The following PTK2B variants were observed in gnomAD, a reference collection of about 807,000 sequenced individuals.
PTK2B encodes the protein protein tyrosine kinase 2 beta, also known as protein-tyrosine kinase 2-beta.
PTK2B carries 71 observed loss-of-function variants against 142.9 expected under a neutral mutation model. That is an observed-to-expected ratio of 0.50 (90% CI 0.41 to 0.61). PTK2B has a LOEUF of 0.61. Ranked by LOEUF, PTK2B falls within the 20% of genes least tolerant of loss-of-function variation. The pLI is 0.00. For synonymous variants in PTK2B, 519 were observed against 503.4 expected, an observed-to-expected ratio of 1.03 and a Z score of -0.42; for missense variants, 1,105 against 1,320.4, an observed-to-expected ratio of 0.84 and a Z score of 2.53.
At chr8:27,359,311 T>C (rs1339267398) in intron 1 of PTK2B, among the ~76,000 whole-genome samples, 1 of 152,178 alleles carries the variant, frequency 6.6e-6, no homozygotes, top group Non-Finnish European at 1.5e-5. Flanking sequence ...AGAAGGGGTT[T>C]CACCATATTG....
At chr8:27,340,768 G>A (rs1804347699) in intron 1 of PTK2B, among the ~76,000 whole-genome samples, 1 of 152,234 alleles carries the variant, frequency 6.6e-6, no homozygotes, top group African/African-American at 2.4e-5. Flanking sequence ...AGTGGGAGGT[G>A]CCAGCCCTCC....
intron 1 of PTK2B, among the ~76,000 whole-genome samples, chr8:27,337,032 T>G (rs954932290): frequency 1.3e-5 from 2 of 150,346 alleles, no homozygotes; most frequent in African/African-American, 4.9e-5. Context: ...TACTTATTGA[T>G]GAATAGTAGT....
At chr8:27,444,611 G>T (rs1263620282) in intron 23 of PTK2B, among the ~76,000 whole-genome samples, 1 of 152,146 alleles carries the variant, frequency 6.6e-6, no homozygotes, top group Non-Finnish European at 1.5e-5. Flanking sequence ...CCAACAAATG[G>T]AGTAGCTCCA....
chr8:27,418,181 C>T lies in PTK2B; in HGVS notation c.205-1714C>T, dbSNP rs577845434. Among the ~76,000 whole-genome samples, 5 of 152,260 alleles carry T rather than the reference C, an allele frequency of 3.3e-5. No homozygotes were observed. The South Asian group carries it at 6.2e-4, about 19-fold the overall frequency. On this transcript the variant is annotated intron_variant, in intron 2 of 30. Transcript: ENST00000346049. ...ACAGAGCAGTCGTCACCCTCTGTGA[C>T]GGGCATTTTCTTTCCTAATGGGGAA...
intron 9 of PTK2B, 37 bp downstream of exon 9, chr8:27,431,509 C>T (rs748303327): frequency 1.2e-5 from 20 of 1,611,676 alleles, no homozygotes; most frequent in South Asian, 4.4e-5. Flanking sequence ...CAGCCCCAGG[C>T]GGGGAGGTCG....
chr8:27,431,846 C>T (rs1352948206), intron 9 of PTK2B, among the ~76,000 whole-genome samples: 2 of 152,228 alleles, frequency 1.3e-5, no homozygotes, highest in Admixed American at 6.5e-5. Flanking sequence ...TGATGTTGAG[C>T]AAGTCCTGGC....
intron 1 of PTK2B, among the ~76,000 whole-genome samples, chr8:27,369,790 C>T (rs965416159): frequency 2.0e-5 from 3 of 152,178 alleles, no homozygotes; most frequent in Non-Finnish European, 4.4e-5. Context: ...GCCTGGCCAA[C>T]ATGGCAAAAC....
intron 1 of PTK2B, among the ~76,000 whole-genome samples, chr8:27,365,551 A>T (rs893642567): frequency 1.3e-5 from 2 of 152,222 alleles, no homozygotes; most frequent in Admixed American, 6.5e-5. Flanking sequence ...AATAGGAAAC[A>T]GATCTGCCAT....
chr8:27,454,228 C>T lies in PTK2B; in HGVS notation c.2670C>T (p.Ala890=), dbSNP rs376321919. Reference sequence around the variant, plus strand: ...TCAATGTCATGGAGCTGGTGCGGGCCGTGCTGGAGCTCAAGAATGAGCTCT... The same window carrying T: ...TCAATGTCATGGAGCTGGTGCGGGCTGTGCTGGAGCTCAAGAATGAGCTCT... ...VYLNVMELVR[A]VLELKNELCQ... The change falls in exon 29 of 31, where the codon GCC becomes GCT. Residue 890 remains alanine (A), a synonymous_variant. Transcript: ENST00000346049. 2.0e-5 allele frequency: 32 copies of T among 1,613,988 alleles called. No homozygotes were observed. Among genetic ancestry groups the T allele is most frequent in the Admixed American group, 8.3e-5 (5 of 59,988 alleles).
At chr8:27,368,365 C>A (rs1024300292) in intron 1 of PTK2B, among the ~76,000 whole-genome samples, 18 of 152,158 alleles carry the variant, frequency 1.2e-4, no homozygotes, top group African/African-American at 4.3e-4. Flanking sequence ...CCAGCAAGAA[C>A]TACCCCCTCA....
At chr8:27,369,049 A>G (rs1225277156) in intron 1 of PTK2B, among the ~76,000 whole-genome samples, 1 of 152,080 alleles carries the variant, frequency 6.6e-6, no homozygotes, top group Non-Finnish European at 1.5e-5. Context: ...CAGCATCTCT[A>G]TTTTGGAGCT....
intron 12 of PTK2B, 39 bp downstream of exon 12, chr8:27,434,171 C>T: frequency 6.2e-7 from 1 of 1,603,556 alleles, no homozygotes; most frequent in Non-Finnish European, 8.5e-7. Context: ...GCCCTGAGCT[C>T]AGCCTGTGCT....
chr8:27,437,631 C>A, intron 17 of PTK2B, 134 bp from the exon 18 acceptor site: 1 of 1,216,624 alleles, frequency 8.2e-7, no homozygotes, highest in Non-Finnish European at 1.2e-6. Context: ...AAGGAAATTG[C>A]TGGAACATTT....
chr8:27,331,550 CTTA>C (rs1042560730), intron 1 of PTK2B, among the ~76,000 whole-genome samples: 52 of 152,156 alleles, frequency 3.4e-4, no homozygotes, highest in African/African-American at 1.2e-3. Flanking sequence ...CCACACCTGG[CTTA>C]TTTTCTTTCT....
chr8:27,320,747 T>C (rs1803192960), upstream of PTK2B, among the ~76,000 whole-genome samples: 1 of 152,128 alleles, frequency 6.6e-6, no homozygotes, highest in African/African-American at 2.4e-5. Flanking sequence ...CTGAACCATG[T>C]TCTTTTGGGT....
At chr8:27,346,895 A>G (rs1282038932) in intron 1 of PTK2B, among the ~76,000 whole-genome samples, 1 of 152,236 alleles carries the variant, frequency 6.6e-6, no homozygotes, top group Non-Finnish European at 1.5e-5. Flanking sequence ...ACTTGGCAAT[A>G]GCCCAGAATG....
chr8:27,390,610 C>G (rs926638932), intron 1 of PTK2B, among the ~76,000 whole-genome samples: 1 of 152,108 alleles, frequency 6.6e-6, no homozygotes, highest in Non-Finnish European at 1.5e-5. Flanking sequence ...CCCTGAACTC[C>G]AGCCTGAACA....
intron 1 of PTK2B, among the ~76,000 whole-genome samples, chr8:27,376,607 A>G (rs1806684478): frequency 2.0e-5 from 3 of 152,218 alleles, no homozygotes. Context: ...GACCTTGCTG[A>G]TAAAACAGGT....
upstream of PTK2B, among the ~76,000 whole-genome samples, chr8:27,324,859 G>T (rs904331679): frequency 8.5e-5 from 13 of 152,316 alleles, no homozygotes; most frequent in African/African-American, 3.1e-4. Context: ...AAGAAGTGTT[G>T]CTAAGTGCCC....
Sources: gnomAD v4.1 joint callset for allele counts (sites outside exome capture counted in the v4.1 genomes callset) on GRCh38, gnomAD v4.1.1 for gene constraint, MANE v1.5 for transcripts, NCBI Gene and HGNC (gene_info 2026-07-23, HGNC 2026-07-21) for gene names.